Variants in CAGE1 observed in about 807,000 individuals in gnomAD.
The protein encoded by CAGE1 is cancer-associated gene 1 protein.
A neutral mutation model predicts 94.9 loss-of-function variants in CAGE1; 66 were observed. The ratio of observed to expected loss-of-function variants is 0.70; its 90% CI spans 0.57 to 0.85. The LOEUF is 0.85. Ranked by LOEUF, CAGE1 falls within the 40% of genes least tolerant of loss-of-function variation. CAGE1 has a pLI of 0.00. For missense variants in CAGE1, 865 were observed against 950.4 expected, an observed-to-expected ratio of 0.91 and a Z score of 1.18; for synonymous variants, 319 against 321.0, an observed-to-expected ratio of 0.99 and a Z score of 0.07.
intron 4 of CAGE1, among the ~76,000 whole-genome samples, chr6:7,377,372 C>G (rs1016325481): frequency 1.3e-5 from 2 of 152,160 alleles, no homozygotes; most frequent in African/African-American, 4.8e-5. Flanking sequence ...CTGTCATCTA[C>G]TTTCAAAAAA....
chr6:7,335,215 C>A (rs1035367729), intron 11 of CAGE1, among the ~76,000 whole-genome samples: 1 of 152,178 alleles, frequency 6.6e-6, no homozygotes, highest in Non-Finnish European at 1.5e-5. Flanking sequence ...CTCAGATAAT[C>A]CAAAATAATC....
At chr6:7,360,155 T>G (rs1760119532) in intron 9 of CAGE1, among the ~76,000 whole-genome samples, 1 of 152,244 alleles carries the variant, frequency 6.6e-6, no homozygotes, top group South Asian at 2.1e-4. Flanking sequence ...TAAGAACTCA[T>G]GATTATTGGA....
At chr6:7,330,736 C>A (rs1048638164) in intron 12 of CAGE1, among the ~76,000 whole-genome samples, 3 of 152,130 alleles carry the variant, frequency 2.0e-5, no homozygotes, top group African/African-American at 7.2e-5. Flanking sequence ...TGATGTAGGT[C>A]TGGAGTTTTC....
chr6:7,386,884 TA>T, intron 2 of CAGE1, 94 bp downstream of exon 2: 1 of 862,876 alleles, frequency 1.2e-6, no homozygotes, highest in Non-Finnish European at 1.8e-6. Context: ...AATATTGTTT[TA>T]TTGTTCCTTA....
At position 7,326,886 on chromosome 6, in the gene CAGE1, A is replaced by G; in HGVS notation, c.2492T>C (p.Phe831Ser). ...PKSMTMMPAL[F>S]KENRNDLD ...ATCTAAATCATTTCTATTTTCTTTA[A>G]AAAGAGCTGGCATCTAAAAATGAAA... The change falls in exon 14 of 14, where the codon TTT becomes TCT. Residue 831 changes from phenylalanine (F) to serine (S), a missense_variant. Transcript: ENST00000502583. 2 of 1,582,092 alleles carry G rather than the reference A, an allele frequency of 1.3e-6. No individual in the cohort carries two copies. Among genetic ancestry groups the G allele is most frequent in the Non-Finnish European group, 1.7e-6 (2 of 1,151,492 alleles).
At chr6:7,334,725 C>CA (rs58790989) in intron 11 of CAGE1, among the ~76,000 whole-genome samples, 11,591 of 67,648 alleles carry the variant, frequency 0.17, 1,033 homozygotes, top group East Asian at 0.4. Context: ...GACTCTCTCT[C>CA]AAAAAAAAAA....
At chr6:7,350,135 A>G (rs1759718795) in intron 11 of CAGE1, among the ~76,000 whole-genome samples, 1 of 152,210 alleles carries the variant, frequency 6.6e-6, no homozygotes, top group African/African-American at 2.4e-5. Flanking sequence ...AACAAACTTT[A>G]AAGCAACAGC....
rs1402302909 is a variant in CAGE1 at position 7,356,080 on chromosome 6, C to G, written c.2243G>C (p.Arg748Thr). The change falls in exon 10 of 14, where the codon AGA (arginine) becomes ACA (threonine). Residue 748 changes from arginine (R) to threonine (T), a missense_variant. Arg to Thr is a moderately conservative substitution (Grantham distance 71). Coordinates refer to ENST00000502583, the MANE Select transcript of CAGE1 (RefSeq NM_001170692.2). Reference sequence around the variant, plus strand: ...ATACTTGTCATTTTCTTCAATGAGTCTGTTGCAGTGGTTTTCTTTTGACTC... The same window carrying G: ...ATACTTGTCATTTTCTTCAATGAGTGTGTTGCAGTGGTTTTCTTTTGACTC... ...LLESKENHCN[R>T]LIEENDKYQR... The G allele has an allele frequency of 2.6e-6, 4 of 1,550,866 alleles. No individual in the cohort carries two copies. Among genetic ancestry groups the G allele is most frequent in the Non-Finnish European group, 3.5e-6 (4 of 1,146,082 alleles).
chr6:7,358,027 G>GATAGATATATATATATATATAT (rs1554138205), intron 9 of CAGE1, among the ~76,000 whole-genome samples: 5 of 48,084 alleles, frequency 1.0e-4, no homozygotes, highest in Non-Finnish European at 2.2e-4. Flanking sequence ...TAAGTTTTGA[G>GATAGATATATATATATATATAT]ATATATATAT....
intron 3 of CAGE1, among the ~76,000 whole-genome samples, chr6:7,384,351 C>G (rs1175277819): frequency 6.6e-6 from 1 of 152,218 alleles, no homozygotes; most frequent in Non-Finnish European, 1.5e-5. Context: ...TTTTCTTACA[C>G]CTGCATGTAT....
At chr6:7,333,627 TATCTATCTAA>T (rs1561846012) in intron 12 of CAGE1, among the ~76,000 whole-genome samples, 3 of 67,764 alleles carry the variant, frequency 4.4e-5, no homozygotes, top group African/African-American at 2.4e-4. Context: ...ATTATCTAAC[TATCTATCTAA>T]CTATCTATAT....
chr6:7,364,150 T>G (rs1398249885), intron 9 of CAGE1, among the ~76,000 whole-genome samples: 1 of 152,206 alleles, frequency 6.6e-6, no homozygotes, highest in African/African-American at 2.4e-5. Context: ...GACAACAGAA[T>G]GTATTGAGTG....
intron 8 of CAGE1, 82 bp downstream of exon 8, chr6:7,365,722 A>C: frequency 7.5e-7 from 1 of 1,335,678 alleles, no homozygotes; most frequent in Non-Finnish European, 1.0e-6. Context: ...GAAGTACTTC[A>C]ACAAATTTAC....
At chr6:7,371,335 T>G (rs1257628742) in intron 5 of CAGE1, among the ~76,000 whole-genome samples, 1 of 152,202 alleles carries the variant, frequency 6.6e-6, no homozygotes, top group East Asian at 1.9e-4. Context: ...TTAGATTTTT[T>G]TTTTAATTTA....
At chr6:7,387,288 C>A in intron 1 of CAGE1, 92 bp from the exon 2 acceptor site, 1 of 663,784 alleles carries the variant, frequency 1.5e-6, no homozygotes, top group Non-Finnish European at 2.5e-6. Flanking sequence ...AGTTCACTGC[C>A]CTTATTTGAA....
intron 7 of CAGE1, among the ~76,000 whole-genome samples, chr6:7,367,294 T>TTTTTTTTTG: frequency 6.8e-6 from 1 of 146,920 alleles, no homozygotes; most frequent in South Asian, 2.2e-4. Flanking sequence ...TTTTTTTTTT[T>TTTTTTTTTG]GCTTTTTGTT....
chr6:7,388,869 T>C (rs991612934), intron 1 of CAGE1, among the ~76,000 whole-genome samples: 2 of 152,222 alleles, frequency 1.3e-5, no homozygotes, highest in South Asian at 4.1e-4. Context: ...GTTTTCCCAA[T>C]GCAAAAAAGC....
intron 11 of CAGE1, among the ~76,000 whole-genome samples, chr6:7,345,350 A>G (rs1350871363): frequency 7.1e-6 from 1 of 141,572 alleles, no homozygotes; most frequent in East Asian, 2.0e-4. Context: ...GATGAAAGAA[A>G]CTCTGAACAC....
Position 7,370,036 on chromosome 6 carries a change from G to A in CAGE1, c.1776C>T (p.Leu592=). The change falls in exon 6 of 14, where the codon CTC becomes CTT. Residue 592 remains leucine (L), a synonymous_variant. Transcript: ENST00000502583. The part of the protein sequence containing the change: ...KDTKTTHSNL[L]PDCSPCEERL... The stretch of plus-strand genomic sequence containing the variant: ...TCTCTTCACAAGGTGAGCAATCCGG[G>A]AGCAGATTAGAATGTGTCGTTTTTG... The A allele has an allele frequency of 6.2e-7, 1 of 1,612,438 alleles. No individual in the cohort carries two copies. The highest frequency in any genetic ancestry group is 8.5e-7 in the Non-Finnish European group (1 of 1,179,382).
Sources: allele counts gnomAD v4.1 joint callset (sites outside exome capture counted in the v4.1 genomes callset), GRCh38; gene constraint gnomAD v4.1.1; transcripts MANE v1.5; gene names NCBI Gene and HGNC (gene_info 2026-07-23, HGNC 2026-07-21).